The following NKAIN2 variants were observed in gnomAD, a reference collection of about 807,000 sequenced individuals.
NKAIN2 encodes sodium/potassium-transporting ATPase subunit beta-1-interacting protein 2.
A neutral mutation model predicts 32.6 loss-of-function variants in NKAIN2; 14 were observed. That is an observed-to-expected ratio of 0.43 (90% CI 0.28 to 0.67). The LOEUF is 0.67. NKAIN2 is among the 30% of genes least tolerant of loss of function. NKAIN2 has a pLI of 0.17. For missense variants in NKAIN2, 198 were observed against 258.3 expected, an observed-to-expected ratio of 0.77 and a Z score of 1.60; for synonymous variants, 80 against 87.2, an observed-to-expected ratio of 0.92 and a Z score of 0.46.
At chr6:124,112,245 C>T (rs934812645) in intron 1 of NKAIN2, among the ~76,000 whole-genome samples, 12 of 152,184 alleles carry the variant, frequency 7.9e-5, no homozygotes, top group East Asian at 3.9e-4. Flanking sequence ...AAGGCAGGTC[C>T]GGTGTTGATG....
At chr6:124,097,800 ACT>A (rs1377896454) in intron 1 of NKAIN2, among the ~76,000 whole-genome samples, 1 of 152,160 alleles carries the variant, frequency 6.6e-6, no homozygotes, top group Admixed American at 6.5e-5. Flanking sequence ...ATGCAGGAAA[ACT>A]GTAGAGTGAA....
chr6:124,002,875 T>C (rs1175373765), intron 1 of NKAIN2, among the ~76,000 whole-genome samples: 1 of 152,208 alleles, frequency 6.6e-6, no homozygotes, highest in Non-Finnish European at 1.5e-5. Flanking sequence ...CTGCCCACAC[T>C]GTGTTCTGAG....
intron 3 of NKAIN2, among the ~76,000 whole-genome samples, chr6:124,476,962 T>A (rs1286255776): frequency 6.6e-6 from 1 of 152,168 alleles, no homozygotes; most frequent in Non-Finnish European, 1.5e-5. Context: ...ACTGCCTTAA[T>A]CAAAGTGTCA....
At chr6:124,510,324 A>C (rs548224982) in intron 3 of NKAIN2, among the ~76,000 whole-genome samples, 45 of 152,168 alleles carry the variant, frequency 3.0e-4, no homozygotes, top group African/African-American at 1.1e-3. Flanking sequence ...CTTATTTTCC[A>C]TGCTTTAAAA....
chr6:124,113,098 G>T (rs1376772106), intron 1 of NKAIN2, among the ~76,000 whole-genome samples: 2 of 151,680 alleles, frequency 1.3e-5, no homozygotes, highest in African/African-American at 4.8e-5. Context: ...TCTCTCTGTT[G>T]GTATCTGCAC....
chr6:124,083,427 A>G (rs1484434037), intron 1 of NKAIN2, among the ~76,000 whole-genome samples: 1 of 151,936 alleles, frequency 6.6e-6, no homozygotes, highest in Non-Finnish European at 1.5e-5. Context: ...AGTAAGTATT[A>G]TATGGCAATT....
At chr6:123,911,440 G>A (rs1775172714) in intron 1 of NKAIN2, among the ~76,000 whole-genome samples, 1 of 151,754 alleles carries the variant, frequency 6.6e-6, no homozygotes, top group Non-Finnish European at 1.5e-5. Flanking sequence ...CAGCTCTCAG[G>A]GGAGCTCTCA....
chr6:124,278,615 C>T (rs12664799), intron 1 of NKAIN2, among the ~76,000 whole-genome samples: 10,719 of 138,232 alleles, frequency 0.078, 561 homozygotes, highest in East Asian at 0.18. Context: ...CATACACACA[C>T]GTACATACAC....
intron 1 of NKAIN2, among the ~76,000 whole-genome samples, chr6:124,190,771 T>C (rs982377970): frequency 6.6e-6 from 1 of 152,182 alleles, no homozygotes; most frequent in Non-Finnish European, 1.5e-5. Context: ...AGAGAGTTCA[T>C]TTCTGTCACC....
rs918671406 is a variant in NKAIN2 at position 124,239,573 on chromosome 6, A to T, written c.55-43432A>T. Among the ~76,000 whole-genome samples the T allele has an allele frequency of 3.9e-5, 6 of 152,302 alleles. No homozygotes were observed. In the East Asian group the frequency reaches 1.2e-3, roughly 29 times the overall value. On this transcript the variant is annotated intron_variant, in intron 1 of 6. Transcript: ENST00000368417. The stretch of plus-strand genomic sequence containing the variant: ...TCAGACCACAGTGCAATCAAATTAG[A>T]ACTCAGGATTAAGAAACTCACTCAA...
At chr6:123,867,444 A>G (rs936705547) in intron 1 of NKAIN2, among the ~76,000 whole-genome samples, 8 of 152,220 alleles carry the variant, frequency 5.3e-5, no homozygotes. Flanking sequence ...GCTCAAGTCT[A>G]AATTCTGTAT....
intron 3 of NKAIN2, among the ~76,000 whole-genome samples, chr6:124,552,632 A>G (rs1780333704): frequency 6.6e-6 from 1 of 152,234 alleles, no homozygotes; most frequent in South Asian, 2.1e-4. Context: ...AGCCAAGCCA[A>G]TGAAGTCACT....
At chr6:124,447,612 A>G (rs1248947514) in intron 3 of NKAIN2, among the ~76,000 whole-genome samples, 1 of 152,130 alleles carries the variant, frequency 6.6e-6, no homozygotes, top group African/African-American at 2.4e-5. Flanking sequence ...ATTGAACGGC[A>G]CTTTCTTAGC....
At chr6:124,446,727 C>T (rs1223883465) in intron 3 of NKAIN2, among the ~76,000 whole-genome samples, 2 of 131,252 alleles carry the variant, frequency 1.5e-5, no homozygotes, top group South Asian at 2.2e-4. Flanking sequence ...CTCTATGAAA[C>T]GTGGCATCTC....
chr6:124,451,092 G>T lies in NKAIN2; in HGVS notation c.273+95745G>T, dbSNP rs181811850. ...TTAGCCCAAGCACACTATCTGTAAA[G>T]TAATTTTATCATGATTATTCTAGGT... On this transcript the variant is annotated intron_variant, in intron 3 of 6. Transcript: ENST00000368417. Among the ~76,000 whole-genome samples the T allele has an allele frequency of 1.9e-3, 293 of 152,162 alleles. 1 individual carries two copies. The highest frequency in any genetic ancestry group is 0.01 in the Middle Eastern group (3 of 294).
At chr6:124,804,970 T>G (rs1396366874) in intron 5 of NKAIN2, among the ~76,000 whole-genome samples, 1 of 152,134 alleles carries the variant, frequency 6.6e-6, no homozygotes, top group African/African-American at 2.4e-5. Flanking sequence ...CAGGCTTGCT[T>G]AGGTAAACAA....
intron 2 of NKAIN2, among the ~76,000 whole-genome samples, chr6:124,337,706 G>A (rs1797937362): frequency 6.6e-6 from 1 of 152,190 alleles, no homozygotes; most frequent in South Asian, 2.1e-4. Context: ...CAGACTCCTG[G>A]GGAACTCTAG....
intron 4 of NKAIN2, among the ~76,000 whole-genome samples, chr6:124,677,386 G>T (rs1773412604): frequency 6.6e-6 from 1 of 151,936 alleles, no homozygotes; most frequent in Admixed American, 6.6e-5. Context: ...TTTGTTAATT[G>T]TTTTCTCTTG....
intron 4 of NKAIN2, among the ~76,000 whole-genome samples, chr6:124,778,768 C>A (rs1461099051): frequency 6.6e-6 from 1 of 151,960 alleles, no homozygotes; most frequent in East Asian, 1.9e-4. Context: ...CATTCTCAAC[C>A]TCTGCCTGCT....
Sources: allele counts gnomAD v4.1 joint callset (sites outside exome capture counted in the v4.1 genomes callset), GRCh38; gene constraint gnomAD v4.1.1; transcripts MANE v1.5; gene names NCBI Gene and HGNC (gene_info 2026-07-23, HGNC 2026-07-21).